The following SPAG16 variants were observed in gnomAD, a reference collection of about 807,000 sequenced individuals.
The protein encoded by SPAG16 is sperm-associated antigen 16 protein.
Under a neutral mutation model 80.4 loss-of-function variants are expected in SPAG16, and 86 were observed. The observed-to-expected ratio is 1.07, with a 90% CI of 0.90 to 1.28. The LOEUF (loss-of-function observed/expected upper bound fraction) is 1.28. Among genes scored for constraint, SPAG16 ranks in the 50% most tolerant of loss-of-function variants. The probability of loss-of-function intolerance (pLI) is 0.00; values close to 1 mark genes in which losing one functional copy is unlikely to be tolerated. For missense variants in SPAG16, 870 were observed against 765.3 expected (o/e 1.14, Z -1.61); for synonymous variants, 294 against 265.9 (o/e 1.11, Z -1.03).
intron 9 of SPAG16, among the ~76,000 whole-genome samples, chr2:213,430,978 T>C (rs2070257507): frequency 6.6e-6 from 1 of 152,146 alleles, no homozygotes; most frequent in Non-Finnish European, 1.5e-5. Flanking sequence ...CTTGCCAGAA[T>C]AAGCTTCATA....
intron 13 of SPAG16, among the ~76,000 whole-genome samples, chr2:214,104,586 AAG>A (rs1197571574): frequency 6.6e-6 from 1 of 150,440 alleles, no homozygotes; most frequent in Non-Finnish European, 1.5e-5. Context: ...GGGGAAGAAA[AAG>A]AGGTATTCTT....
intron 10 of SPAG16, among the ~76,000 whole-genome samples, chr2:213,743,727 C>T (rs146477287): frequency 2.8e-4 from 43 of 152,110 alleles, no homozygotes; most frequent in African/African-American, 1.0e-3. Flanking sequence ...ATTTGTTGCG[C>T]ATTTCTTTTT....
chr2:214,208,302 G>T (rs1441757012), intron 15 of SPAG16, among the ~76,000 whole-genome samples: 1 of 152,080 alleles, frequency 6.6e-6, no homozygotes, highest in African/African-American at 2.4e-5. Context: ...AATTTCTCTA[G>T]AGAGAAATGG....
chr2:213,489,524 T>C (rs2074149646), intron 9 of SPAG16, among the ~76,000 whole-genome samples: 1 of 152,146 alleles, frequency 6.6e-6, no homozygotes, highest in African/African-American at 2.4e-5. Flanking sequence ...AATTAGCAAA[T>C]GTTAACTTTG....
chr2:213,861,266 A>G (rs760852006), intron 10 of SPAG16, among the ~76,000 whole-genome samples: 48 of 152,272 alleles, frequency 3.2e-4, no homozygotes, highest in African/African-American at 1.1e-3. Context: ...ATAATTTTTC[A>G]GTTGATAATT....
chr2:213,800,221 A>G (rs958165115), intron 10 of SPAG16, among the ~76,000 whole-genome samples: 1 of 151,988 alleles, frequency 6.6e-6, no homozygotes, highest in Non-Finnish European at 1.5e-5. Flanking sequence ...CCTGGTTTTT[A>G]TACTCATTAA....
chr2:213,575,984 G>T (rs1483296400), intron 10 of SPAG16, among the ~76,000 whole-genome samples: 2 of 149,928 alleles, frequency 1.3e-5, no homozygotes, highest in Non-Finnish European at 2.9e-5. Flanking sequence ...TTTGCTCAAA[G>T]TTAAAAAAAG....
chr2:213,346,474 A>G (rs1349739100), intron 6 of SPAG16, among the ~76,000 whole-genome samples: 1 of 152,178 alleles, frequency 6.6e-6, no homozygotes, highest in African/African-American at 2.4e-5. Context: ...TTCAAAGGGA[A>G]TGCTTCCAGT....
At chr2:213,880,643 A>T (rs2076307153) in intron 11 of SPAG16, among the ~76,000 whole-genome samples, 1 of 152,172 alleles carries the variant, frequency 6.6e-6, no homozygotes, top group African/African-American at 2.4e-5. Flanking sequence ...ATTTTGAGTT[A>T]ATTTTTATAT....
intron 10 of SPAG16, among the ~76,000 whole-genome samples, chr2:213,693,178 C>T (rs912108388): frequency 6.6e-6 from 1 of 152,208 alleles, no homozygotes; most frequent in Non-Finnish European, 1.5e-5. Flanking sequence ...GAGCATCTTA[C>T]AGGTCTGATT....
intron 12 of SPAG16, among the ~76,000 whole-genome samples, chr2:213,987,811 AAT>A (rs997205917): frequency 2.0e-4 from 30 of 147,776 alleles, no homozygotes; most frequent in Admixed American, 9.5e-4. Context: ...TAAAATATAA[AAT>A]ATATATATAC....
At chr2:214,090,806 C>T (rs887853560) in intron 13 of SPAG16, among the ~76,000 whole-genome samples, 1 of 151,990 alleles carries the variant, frequency 6.6e-6, no homozygotes, top group Non-Finnish European at 1.5e-5. Context: ...GTTTCTTCCT[C>T]ATTAGTCTTT....
At chr2:214,392,759 C>A (rs1350493571) in intron 15 of SPAG16, among the ~76,000 whole-genome samples, 3 of 151,092 alleles carry the variant, frequency 2.0e-5, no homozygotes, top group Non-Finnish European at 4.4e-5. Context: ...AGCAGGGACC[C>A]AAACGCCTAA....
intron 15 of SPAG16, among the ~76,000 whole-genome samples, chr2:214,273,552 C>A (rs983044100): frequency 1.3e-5 from 2 of 151,918 alleles, no homozygotes; most frequent in Non-Finnish European, 2.9e-5. Context: ...ATAGTGAATC[C>A]TTTCCCCATT....
In SPAG16 at chr2:213,842,034, C is replaced by G. The variant is rs566557442; in HGVS notation, c.1071-20451C>G. Among the ~76,000 whole-genome samples the G allele has an allele frequency of 2.6e-4, 40 of 152,170 alleles. 1 individual carries two copies. In the South Asian group the frequency reaches 8.1e-3, roughly 31 times the overall value. On this transcript the variant is annotated intron_variant, in intron 10 of 15. Coordinates refer to ENST00000331683, the MANE Select transcript of SPAG16 (RefSeq NM_024532.5). ...TGTTCATTTCCACAGTCTTGTGAAA[C>G]AGGTGTGCATCATGTAAACCTTGTT...
intron 10 of SPAG16, among the ~76,000 whole-genome samples, chr2:213,788,062 T>C (rs1346565100): frequency 2.0e-5 from 3 of 152,042 alleles, no homozygotes; most frequent in African/African-American, 7.2e-5. Context: ...ATCATCATTA[T>C]ATTCACACAG....
intron 12 of SPAG16, among the ~76,000 whole-genome samples, chr2:213,972,109 T>G (rs1384357561): frequency 6.6e-6 from 1 of 151,898 alleles, no homozygotes; most frequent in Non-Finnish European, 1.5e-5. Context: ...TTATACTCTT[T>G]CAGTTACCAT....
intron 5 of SPAG16, among the ~76,000 whole-genome samples, chr2:213,337,035 G>C (rs1191126584): frequency 6.6e-6 from 1 of 152,186 alleles, no homozygotes; most frequent in Non-Finnish European, 1.5e-5. Flanking sequence ...TTCCATCTGT[G>C]CTGGTCTGTA....
intron 15 of SPAG16, among the ~76,000 whole-genome samples, chr2:214,298,141 T>C (rs77286526): frequency 1.5e-5 from 2 of 132,342 alleles, no homozygotes; most frequent in Non-Finnish European, 3.2e-5. Context: ...CACATACACA[T>C]ACACACACAC....
Sources: allele counts gnomAD v4.1 joint callset (sites outside exome capture counted in the v4.1 genomes callset), GRCh38; gene constraint gnomAD v4.1.1; transcripts MANE v1.5; gene names NCBI Gene and HGNC (gene_info 2026-07-23, HGNC 2026-07-21).